Variants in TFDP2 observed in about 807,000 individuals in gnomAD.
The protein encoded by TFDP2 is transcription factor Dp-2 (E2F dimerization partner 2).
TFDP2 carries 17 observed loss-of-function variants against 59.3 expected under a neutral mutation model. The observed-to-expected ratio is 0.29, with a 90% CI of 0.20 to 0.43. The LOEUF (loss-of-function observed/expected upper bound fraction) is 0.43. Among genes scored for constraint, TFDP2 ranks in the 20% least tolerant of loss-of-function variants. The pLI, the probability that TFDP2 is intolerant of heterozygous loss-of-function variation, is 1.00. For missense variants in TFDP2, 391 were observed against 528.8 expected (o/e 0.74, Z 2.56); for synonymous variants, 180 against 194.7 (o/e 0.92, Z 0.63).
chr3:142,000,661 AT>A (rs1943685839), intron 4 of TFDP2, among the ~76,000 whole-genome samples: 1 of 152,172 alleles, frequency 6.6e-6, no homozygotes, highest in Admixed American at 6.6e-5. Flanking sequence ...CAAAGGTGCA[AT>A]TCATCCTGAG....
At chr3:142,082,673 A>T (rs1346899743) in intron 3 of TFDP2, among the ~76,000 whole-genome samples, 1 of 152,260 alleles carries the variant, frequency 6.6e-6, no homozygotes, top group East Asian at 1.9e-4. Flanking sequence ...ATCATTGATC[A>T]TGACCAAGTG....
intron 10 of TFDP2, among the ~76,000 whole-genome samples, chr3:141,960,499 C>T (rs1031177320): frequency 6.6e-6 from 1 of 152,202 alleles, no homozygotes; most frequent in African/African-American, 2.4e-5. Context: ...CACAGTCCTT[C>T]CGACTCCTAG....
chr3:142,035,452 T>C (rs1170946811), intron 3 of TFDP2, among the ~76,000 whole-genome samples: 1 of 152,196 alleles, frequency 6.6e-6, no homozygotes, highest in Non-Finnish European at 1.5e-5. Flanking sequence ...GTCTCCCCCA[T>C]CTAACAGCAA....
chr3:142,105,384 A>G (rs774799162), intron 1 of TFDP2, among the ~76,000 whole-genome samples: 5 of 152,186 alleles, frequency 3.3e-5, no homozygotes, highest in African/African-American at 7.2e-5. Context: ...CACAGATAAC[A>G]TAATTCTGGC....
chr3:142,065,315 T>C lies in TFDP2; in HGVS notation c.82+27746A>G, dbSNP rs532397480. Among the ~76,000 whole-genome samples the C allele has an allele frequency of 2.6e-5, 4 of 152,170 alleles. No homozygotes were observed. The East Asian group carries it at 7.8e-4, about 30-fold the overall frequency. On this transcript the variant is annotated intron_variant, in intron 3 of 12. Coordinates refer to ENST00000489671, the MANE Select transcript of TFDP2 (RefSeq NM_001178139.2). ...GGGACTGCACAGGCACAGGCCACCA[T>C]GCCTGGTTAATTTTTGTACTTTTTG...
intron 1 of TFDP2, among the ~76,000 whole-genome samples, chr3:142,115,237 C>T (rs919614975): frequency 2.6e-5 from 4 of 151,832 alleles, no homozygotes; most frequent in African/African-American, 9.7e-5. Context: ...CGCATCTGAA[C>T]ACCTCAAATA....
chr3:142,085,755 A>ATTAGGT, intron 3 of TFDP2, among the ~76,000 whole-genome samples: 1 of 152,178 alleles, frequency 6.6e-6, no homozygotes, highest in Non-Finnish European at 1.5e-5. Flanking sequence ...AGTATTGCTA[A>ATTAGGT]TAACCTCAGG....
chr3:142,001,330 G>C (rs1409105662), intron 4 of TFDP2, among the ~76,000 whole-genome samples: 2 of 152,220 alleles, frequency 1.3e-5, no homozygotes, highest in African/African-American at 4.8e-5. Flanking sequence ...GAATGGCTAA[G>C]GAGCACTGTG....
intron 8 of TFDP2, among the ~76,000 whole-genome samples, chr3:141,972,104 T>C (rs1046575964): frequency 2.0e-5 from 3 of 152,208 alleles, no homozygotes; most frequent in African/African-American, 7.2e-5. Flanking sequence ...GGTTCCTCTA[T>C]CCACCACGTT....
intron 3 of TFDP2, among the ~76,000 whole-genome samples, chr3:142,079,418 T>C (rs556490587): frequency 6.6e-6 from 1 of 151,924 alleles, no homozygotes; most frequent in South Asian, 2.1e-4. Context: ...AATCTAAAAG[T>C]TGTTGGCCTT....
chr3:142,001,089 T>C (rs1158127471), intron 4 of TFDP2, among the ~76,000 whole-genome samples: 1 of 152,186 alleles, frequency 6.6e-6, no homozygotes, highest in Non-Finnish European at 1.5e-5. Flanking sequence ...CCACCAAGCT[T>C]TGCCCTGGTG....
intron 4 of TFDP2, among the ~76,000 whole-genome samples, chr3:141,999,995 A>T (rs1237355612): frequency 6.6e-6 from 1 of 152,102 alleles, no homozygotes; most frequent in African/African-American, 2.4e-5. Flanking sequence ...TGAGCCTCCC[A>T]AAGTGCTGGG....
chr3:142,062,171 C>T (rs2059937954), intron 3 of TFDP2, among the ~76,000 whole-genome samples: 1 of 151,928 alleles, frequency 6.6e-6, no homozygotes. Context: ...ATAACATTTT[C>T]CTTTCTCTGG....
intron 2 of TFDP2, among the ~76,000 whole-genome samples, chr3:142,097,013 A>C (rs2061184172): frequency 6.6e-6 from 1 of 152,252 alleles, no homozygotes; most frequent in African/African-American, 2.4e-5. Flanking sequence ...CAACCCTGAC[A>C]CAGACCATAT....
chr3:142,063,925 C>T (rs1359354443), intron 3 of TFDP2, among the ~76,000 whole-genome samples: 1 of 152,072 alleles, frequency 6.6e-6, no homozygotes, highest in East Asian at 1.9e-4. Context: ...TTCATATACC[C>T]TACCATATAC....
chr3:141,977,617 C>T (rs1940895170), intron 7 of TFDP2, among the ~76,000 whole-genome samples: 1 of 151,998 alleles, frequency 6.6e-6, no homozygotes, highest in Non-Finnish European at 1.5e-5. Flanking sequence ...TTTATGTATT[C>T]CTTTTCCAAT....
At chr3:142,003,419 C>A (rs1015186779) in intron 4 of TFDP2, among the ~76,000 whole-genome samples, 2 of 152,084 alleles carry the variant, frequency 1.3e-5, no homozygotes, top group East Asian at 3.9e-4. Flanking sequence ...CGTGAGACAC[C>A]ACACCCAGCC....
chr3:142,067,409 A>AATATAT (rs149996397), intron 3 of TFDP2, among the ~76,000 whole-genome samples: 2 of 149,436 alleles, frequency 1.3e-5, no homozygotes, highest in African/African-American at 4.9e-5. Context: ...AAATCCAATA[A>AATATAT]ATATATATAT....
chr3:142,069,699 C>T (rs992991034), intron 3 of TFDP2, among the ~76,000 whole-genome samples: 1 of 151,922 alleles, frequency 6.6e-6, no homozygotes, highest in Non-Finnish European at 1.5e-5. Flanking sequence ...CCTCTGCCTC[C>T]CAGGTTCAAG....
Sources: allele counts gnomAD v4.1 joint callset (sites outside exome capture counted in the v4.1 genomes callset), GRCh38; gene constraint gnomAD v4.1.1; transcripts MANE v1.5; gene names NCBI Gene and HGNC (gene_info 2026-07-23, HGNC 2026-07-21).